Variants in MYT1L observed in about 807,000 individuals in gnomAD.
MYT1L encodes myelin transcription factor 1 like.
A neutral mutation model predicts 126.7 loss-of-function variants in MYT1L; 12 were observed. The observed-to-expected ratio is 0.09, with a 90% CI of 0.06 to 0.15. MYT1L has a LOEUF of 0.15. MYT1L is among the 10% of genes least tolerant of loss of function. The pLI is 1.00. For missense variants in MYT1L, 979 were observed against 1,585.2 expected, an observed-to-expected ratio of 0.62 and a Z score of 6.49; for synonymous variants, 541 against 604.2, an observed-to-expected ratio of 0.90 and a Z score of 1.53.
At chr2:1,923,300 A>G in intron 9 of MYT1L, 37 bp from the exon 10 acceptor site, 1 of 1,521,870 alleles carries the variant, frequency 6.6e-7, no homozygotes, top group Non-Finnish European at 8.8e-7. Context: ...AAGAAAAGAA[A>G]AGGAAAAAGT....
chr2:2,132,283 G>A lies in MYT1L; in HGVS notation c.-304+40589C>T, dbSNP rs143711216. Among the ~76,000 whole-genome samples, 774 of 152,138 alleles carry A rather than the reference G, an allele frequency of 5.1e-3. 6 individuals are homozygous for A. Among genetic ancestry groups the A allele is most frequent in the African/African-American group, 0.017 (721 of 41,466 alleles). On this transcript the variant is annotated intron_variant, in intron 3 of 24. Transcript: ENST00000647738. ...ACTATAAAGACACATGCACACATACGTTTATTGCAGCACTATTTACAATAT... is the reference window on the plus strand; with the variant it reads ...ACTATAAAGACACATGCACACATACATTTATTGCAGCACTATTTACAATAT...
At chr2:2,095,575 A>G (rs1198757706) in intron 3 of MYT1L, among the ~76,000 whole-genome samples, 1 of 151,798 alleles carries the variant, frequency 6.6e-6, no homozygotes, top group African/African-American at 2.4e-5. Flanking sequence ...GGGTCACTAC[A>G]CCAAGGAATT....
intron 14 of MYT1L, among the ~76,000 whole-genome samples, chr2:1,899,292 G>A (rs1340692187): frequency 6.6e-6 from 1 of 152,290 alleles, no homozygotes; most frequent in African/African-American, 2.4e-5. Flanking sequence ...GGGCAGCCAG[G>A]TGCCAACGGC....
chr2:2,222,905 C>A (rs945310647), intron 2 of MYT1L, among the ~76,000 whole-genome samples: 2 of 152,150 alleles, frequency 1.3e-5, no homozygotes, highest in Non-Finnish European at 2.9e-5. Context: ...ATAAAATATG[C>A]ATCAGTAGCT....
In MYT1L at chr2:2,004,147, G is replaced by A. The variant is rs573206115; in HGVS notation, c.-157-6800C>T. 9.7e-5 allele frequency among the ~76,000 whole-genome samples: 14 copies of A among 143,708 alleles called. 1 individual carries two copies. The highest frequency in any genetic ancestry group is 1.6e-4 in the African/African-American group (6 of 37,454). 94.3% of individuals were successfully genotyped at this position (143,708 alleles called of 152,430 possible). A position where few individuals can be genotyped will look rare whatever the true frequency, so the allele number is the denominator to read the frequency against. ...CCTGTGTGCCTTCTTTCCTGCATAC[G>A]TTCTTTCCTGTGTGCCTTCTTTCCT... is the stretch of plus-strand genomic sequence containing the variant. On this transcript the variant is annotated intron_variant, in intron 4 of 24. Coordinates refer to ENST00000647738, the MANE Select transcript of MYT1L (RefSeq NM_001303052.2).
At chr2:1,959,052 G>A (rs73188455) in intron 8 of MYT1L, among the ~76,000 whole-genome samples, 7,531 of 152,226 alleles carry the variant, frequency 0.049, 563 homozygotes, top group African/African-American at 0.16. Flanking sequence ...AATCCCTCTG[G>A]GGATGTCAGC....
chr2:2,111,843 C>T (rs1261921239), intron 3 of MYT1L, among the ~76,000 whole-genome samples: 2 of 152,236 alleles, frequency 1.3e-5, no homozygotes, highest in Non-Finnish European at 2.9e-5. Context: ...TCCTGGGGGT[C>T]CTGGCCTGTG....
intron 4 of MYT1L, among the ~76,000 whole-genome samples, chr2:2,013,220 C>G (rs908752589): frequency 7.2e-5 from 11 of 152,202 alleles, no homozygotes; most frequent in Non-Finnish European, 8.8e-5. Context: ...CTGAAGCCTC[C>G]TGAGCTACTC....
chr2:1,972,392 A>G (rs1447234951), intron 8 of MYT1L, among the ~76,000 whole-genome samples: 1 of 152,276 alleles, frequency 6.6e-6, no homozygotes, highest in Non-Finnish European at 1.5e-5. Flanking sequence ...TTTTATTTTA[A>G]TGCAAATGAA....
chr2:2,074,911 C>T (rs1057170029), intron 3 of MYT1L, among the ~76,000 whole-genome samples: 13 of 152,164 alleles, frequency 8.5e-5, no homozygotes, highest in Non-Finnish European at 1.8e-4. Context: ...GTGATAGGTG[C>T]TATTTTATAT....
At position 2,172,969 on chromosome 2, in the gene MYT1L, T is replaced by C. The variant is rs918920962; in HGVS notation, c.-401A>G. 4.6e-5 allele frequency: 7 copies of C among 152,234 alleles called. No homozygotes were observed. The highest frequency in any genetic ancestry group is 1.7e-4 in the African/African-American group (7 of 41,466). 9.4% of individuals were successfully genotyped at this position (152,234 alleles called of 1,614,324 possible). ...TGCCCACTGGATAGGAATTCACCAA[T>C]TCTCCTCTGAGTTCATTTTCTAAAG... On this transcript the variant is annotated 5_prime_UTR_variant, in exon 3 of 25. Coordinates refer to ENST00000647738, the MANE Select transcript of MYT1L (RefSeq NM_001303052.2).
In MYT1L at chr2:1,889,119, T is replaced by A. The variant is rs1437827238; in HGVS notation, c.2520+122A>T. On this transcript the variant is annotated intron_variant, in intron 16 of 24. Transcript: ENST00000647738. This position sits in a 1 kb window ranked among gnomAD's most constrained non-coding sequence, Gnocchi z 4.1. ...AACTGTTTTCTAAGTCCTCCTCAGC[T>A]AAAGGTCATATTTAAAGAGAAAATA... 1 of 726,226 alleles carries A rather than the reference T, an allele frequency of 1.4e-6. No homozygotes were observed. The highest frequency in any genetic ancestry group is 1.8e-5 in the African/African-American group (1 of 56,254). 45.0% of individuals were successfully genotyped at this position (726,226 alleles called of 1,614,324 possible). A position where few individuals can be genotyped will look rare whatever the true frequency, so the allele number is the denominator to read the frequency against.
rs2031673097 is a variant in MYT1L at position 1,789,582 on chromosome 2, T to A, written c.*2285A>T. 6.6e-6 allele frequency: 1 copy of A among 152,178 alleles called. No homozygotes were observed. Among genetic ancestry groups the A allele is most frequent in the Admixed American group, 6.5e-5 (1 of 15,274 alleles). 9.4% of individuals were successfully genotyped at this position (152,178 alleles called of 1,614,324 possible). Reference sequence around the variant, plus strand: ...ATCCCTTTCCATTGTACATAGGTGATAACAATAAGAATCCAAAACTGATAC... The same window carrying A: ...ATCCCTTTCCATTGTACATAGGTGAAAACAATAAGAATCCAAAACTGATAC... On this transcript the variant is annotated 3_prime_UTR_variant, in exon 25 of 25. Coordinates refer to ENST00000647738, the MANE Select transcript of MYT1L (RefSeq NM_001303052.2).
chr2:2,075,991 A>AT (rs1041798531), intron 3 of MYT1L, among the ~76,000 whole-genome samples: 5 of 152,208 alleles, frequency 3.3e-5, no homozygotes, highest in Non-Finnish European at 7.3e-5. Context: ...CACAGTCAAT[A>AT]TTTTATCTGA....
At chr2:2,232,295 G>A (rs1454350079) in intron 2 of MYT1L, among the ~76,000 whole-genome samples, 7 of 152,190 alleles carry the variant, frequency 4.6e-5, no homozygotes, top group East Asian at 1.9e-4. Flanking sequence ...CCCTCCAGCC[G>A]GGAGGCTTGG....
In MYT1L at chr2:1,943,224, T is replaced by A; in HGVS notation, c.263A>T (p.Asp88Val). The change falls in exon 9 of 25, where the codon GAT (aspartate) becomes GTT (valine). Residue 88 changes from aspartate (D) to valine (V), a missense_variant. Asp to Val is a radical substitution (Grantham distance 152). Around this residue, in one of 12 missense-constraint regions of MYT1L, gnomAD observed 111 missense variants for 115.9 expected, o/e 0.96. Transcript: ENST00000647738. This position sits in a 1 kb window ranked among gnomAD's most constrained non-coding sequence, Gnocchi z 4.4. ...FAVKADSSSV[D>V]ECDDSDGTED... ...AGTCCCATCACTGTCGTCACACTCA[T>A]CCACTGAGGAGCTGTCTGCTTTCAC... The A allele has an allele frequency of 2.6e-6, 4 of 1,552,866 alleles. No individual in the cohort carries two copies. The highest frequency in any genetic ancestry group is 3.5e-6 in the Non-Finnish European group (4 of 1,147,496).
intron 2 of MYT1L, among the ~76,000 whole-genome samples, chr2:2,225,749 T>C (rs1056993974): frequency 2.6e-5 from 4 of 151,924 alleles, no homozygotes; most frequent in African/African-American, 7.3e-5. Flanking sequence ...GGTAGCTAGG[T>C]ATACAAATGT....
chr2:1,810,352 C>T (rs1255306241), intron 21 of MYT1L, among the ~76,000 whole-genome samples: 1 of 152,098 alleles, frequency 6.6e-6, no homozygotes, highest in Non-Finnish European at 1.5e-5. Flanking sequence ...ATTGGCCAGG[C>T]TGGTCTTCAA....
chr2:2,129,236 A>G (rs575231095), intron 3 of MYT1L, among the ~76,000 whole-genome samples: 1 of 152,338 alleles, frequency 6.6e-6, no homozygotes, highest in East Asian at 1.9e-4. Flanking sequence ...ACGTGTCTCT[A>G]GTCTGTCTCC....
Sources: gnomAD v4.1 joint callset for allele counts (sites outside exome capture counted in the v4.1 genomes callset) on GRCh38, gnomAD v4.1.1 for gene constraint, gnomAD v4.1.1 regional missense constraint, Gnocchi (gnomAD v3.1) non-coding constraint, MANE v1.5 for transcripts, NCBI Gene and HGNC (gene_info 2026-07-23, HGNC 2026-07-21) for gene names.